The following TRPS1 variants were observed in gnomAD, a reference collection of about 807,000 sequenced individuals.
TRPS1 encodes the protein transcriptional repressor GATA binding 1.
Under a neutral mutation model 101.2 loss-of-function variants are expected in TRPS1, and 6 were observed. That is an observed-to-expected ratio of 0.06 (90% CI 0.03 to 0.12). The LOEUF (loss-of-function observed/expected upper bound fraction) is 0.12, where lower values mean the gene tolerates loss of function less well. TRPS1 is among the 10% of genes least tolerant of loss of function. The pLI, the probability that TRPS1 is intolerant of heterozygous loss-of-function variation, is 1.00. For missense variants in TRPS1, 1,363 were observed against 1,567.0 expected, an observed-to-expected ratio of 0.87 and a Z score of 2.20; for synonymous variants, 578 against 589.8, an observed-to-expected ratio of 0.98 and a Z score of 0.29.
At chr8:115,595,380 T>C (rs1423006826) in intron 4 of TRPS1, among the ~76,000 whole-genome samples, 1 of 151,906 alleles carries the variant, frequency 6.6e-6, no homozygotes, top group Non-Finnish European at 1.5e-5. Flanking sequence ...GGTCAGTCCT[T>C]GAGAACTGTA....
chr8:115,550,848 C>A (rs193148744), intron 5 of TRPS1, among the ~76,000 whole-genome samples: 158 of 152,312 alleles, frequency 1.0e-3, no homozygotes, highest in African/African-American at 3.7e-3. Flanking sequence ...GAGAATCAGT[C>A]CCTTCCATTG....
chr8:115,664,382 T>C (rs1811875222), intron 1 of TRPS1, among the ~76,000 whole-genome samples: 1 of 152,140 alleles, frequency 6.6e-6, no homozygotes, highest in Non-Finnish European at 1.5e-5. Context: ...AGACCATCTT[T>C]ATGCTATATC....
At chr8:115,535,761 G>GTATATATATATGAGACTGTCATA (rs1554584005) in intron 5 of TRPS1, among the ~76,000 whole-genome samples, 8 of 150,782 alleles carry the variant, frequency 5.3e-5, no homozygotes, top group South Asian at 2.1e-4. Context: ...ATGTATATGT[G>GTATATATATATGAGACTGTCATA]TATATATATA....
At chr8:115,478,867 ATGTGTAGATG>A (rs1239307265) in intron 5 of TRPS1, among the ~76,000 whole-genome samples, 1 of 145,476 alleles carries the variant, frequency 6.9e-6, no homozygotes, top group Non-Finnish European at 1.5e-5. Flanking sequence ...ATGTGTATAT[ATGTGTAGATG>A]TGTATATATG....
At chr8:115,633,527 T>C (rs1254815436) in intron 1 of TRPS1, among the ~76,000 whole-genome samples, 1 of 152,186 alleles carries the variant, frequency 6.6e-6, no homozygotes, top group Non-Finnish European at 1.5e-5. Context: ...GACCAGCCAT[T>C]TGCTTACTGG....
chr8:115,584,749 T>G (rs1313364460), intron 5 of TRPS1, among the ~76,000 whole-genome samples: 1 of 151,880 alleles, frequency 6.6e-6, no homozygotes, highest in African/African-American at 2.4e-5. Flanking sequence ...ACAATGAGAA[T>G]GGGCTGTTTC....
Position 115,643,224 on chromosome 8 carries a change from C to G in TRPS1, c.-121-19466G>C, listed in dbSNP as rs1300553766. Among the ~76,000 whole-genome samples the G allele has an allele frequency of 2.0e-5, 3 of 152,138 alleles. No individual in the cohort carries two copies. The East Asian group carries it at 5.8e-4, about 29-fold the overall frequency. Reference sequence around the variant, plus strand: ...AAGCTGGGGGTGTCTATGGCAATTTCTTAAAATAAGGCAACAATGAAGCTT... The same window carrying G: ...AAGCTGGGGGTGTCTATGGCAATTTGTTAAAATAAGGCAACAATGAAGCTT... On this transcript the variant is annotated intron_variant, in intron 1 of 6. Coordinates refer to ENST00000395715, the MANE Select transcript of TRPS1 (RefSeq NM_014112.5).
chr8:115,510,558 C>T (rs1198513563), intron 5 of TRPS1, among the ~76,000 whole-genome samples: 2 of 151,960 alleles, frequency 1.3e-5, no homozygotes, highest in African/African-American at 4.8e-5. Context: ...CTAACAATGA[C>T]ACTGTTTCTC....
At chr8:115,587,665 A>G in intron 4 of TRPS1, 61 bp from the exon 5 acceptor site, 1 of 1,610,026 alleles carries the variant, frequency 6.2e-7, no homozygotes, top group South Asian at 1.1e-5. Context: ...TTTATTTTTA[A>G]TAGCCTTTAA....
chr8:115,464,646 T>C (rs1814273981), intron 5 of TRPS1, among the ~76,000 whole-genome samples: 2 of 152,136 alleles, frequency 1.3e-5, no homozygotes, highest in South Asian at 4.1e-4. Flanking sequence ...TTTCCTTTTG[T>C]TTTACTTTAC....
At chr8:115,579,174 T>C (rs915313536) in intron 5 of TRPS1, among the ~76,000 whole-genome samples, 4 of 152,130 alleles carry the variant, frequency 2.6e-5, no homozygotes, top group Non-Finnish European at 4.4e-5. Context: ...GGTAGTAAGC[T>C]TAATCCTAGA....
At chr8:115,598,071 A>G (rs1338722086) in intron 4 of TRPS1, among the ~76,000 whole-genome samples, 1 of 152,184 alleles carries the variant, frequency 6.6e-6, no homozygotes, top group East Asian at 1.9e-4. Context: ...AAATGTCTAC[A>G]TGTCTAACAC....
chr8:115,581,707 A>G (rs1443481068), intron 5 of TRPS1, among the ~76,000 whole-genome samples: 1 of 152,214 alleles, frequency 6.6e-6, no homozygotes, highest in Non-Finnish European at 1.5e-5. Context: ...TATAAATGTA[A>G]AAGATGAATA....
At chr8:115,621,910 C>T (rs1008899530) in intron 2 of TRPS1, among the ~76,000 whole-genome samples, 1 of 147,844 alleles carries the variant, frequency 6.8e-6, no homozygotes, top group Non-Finnish European at 1.5e-5. Flanking sequence ...GAGTGAAACT[C>T]CATCTCAAAA....
At chr8:115,479,667 A>G (rs938010011) in intron 5 of TRPS1, among the ~76,000 whole-genome samples, 1 of 152,206 alleles carries the variant, frequency 6.6e-6, no homozygotes, top group African/African-American at 2.4e-5. Context: ...AGCATTAATA[A>G]CATAACAGTC....
chr8:115,503,494 T>A (rs960638534), intron 5 of TRPS1, among the ~76,000 whole-genome samples: 4 of 152,054 alleles, frequency 2.6e-5, no homozygotes, highest in Non-Finnish European at 5.9e-5. Context: ...GAACAAAAAT[T>A]ACAATGAAAG....
At chr8:115,527,226 TA>T (rs1419586661) in intron 5 of TRPS1, among the ~76,000 whole-genome samples, 5 of 152,074 alleles carry the variant, frequency 3.3e-5, no homozygotes, top group Non-Finnish European at 5.9e-5. Context: ...TAATTTTTAG[TA>T]GTCACTTAAT....
chr8:115,568,433 ATT>A (rs1817120718), intron 5 of TRPS1, among the ~76,000 whole-genome samples: 1 of 152,176 alleles, frequency 6.6e-6, no homozygotes, highest in Non-Finnish European at 1.5e-5. Context: ...GAGAAAAGAT[ATT>A]CTTTTTCTTC....
At chr8:115,588,451 GGTGT>G (rs1019431722) in intron 4 of TRPS1, among the ~76,000 whole-genome samples, 1 of 151,938 alleles carries the variant, frequency 6.6e-6, no homozygotes, top group African/African-American at 2.4e-5. Context: ...TCATTAAAAG[GGTGT>G]GTGTGTGTTT....
Sources: gnomAD v4.1 joint callset for allele counts (sites outside exome capture counted in the v4.1 genomes callset) on GRCh38, gnomAD v4.1.1 for gene constraint, MANE v1.5 for transcripts, NCBI Gene and HGNC (gene_info 2026-07-23, HGNC 2026-07-21) for gene names.